Variants in TECRL observed in about 807,000 individuals in gnomAD.
The protein encoded by TECRL is trans-2,3-enoyl-CoA reductase like, also known as trans-2,3-enoyl-CoA reductase-like.
In TECRL, 63 loss-of-function variants were observed where a neutral mutation model predicts 52.8. That is an observed-to-expected ratio of 1.19 (90% CI 0.97 to 1.47). The LOEUF is 1.47. Ranked by LOEUF, TECRL falls within the 40% of genes most tolerant of loss-of-function variation. The pLI is 0.00. For missense variants in TECRL, 482 were observed against 429.6 expected (o/e 1.12, Z -1.08); for synonymous variants, 164 against 141.9 (o/e 1.16, Z -1.10).
intron 2 of TECRL, among the ~76,000 whole-genome samples, chr4:64,347,140 CA>C (rs1291442401): frequency 1.3e-5 from 2 of 152,124 alleles, no homozygotes; most frequent in Admixed American, 6.5e-5. Context: ...ATAGCCTGTT[CA>C]AAAAGTTGCC....
chr4:64,369,798 G>A (rs1039157086), intron 2 of TECRL, among the ~76,000 whole-genome samples: 2 of 151,672 alleles, frequency 1.3e-5, no homozygotes, highest in African/African-American at 4.8e-5. Context: ...TTAGGTCCGT[G>A]GCACATAATA....
chr4:64,357,167 T>C (rs968318847), intron 2 of TECRL, among the ~76,000 whole-genome samples: 2 of 152,156 alleles, frequency 1.3e-5, no homozygotes, highest in Admixed American at 6.5e-5. Context: ...GCTCTGTCAA[T>C]GTAAATGTAT....
chr4:64,338,876 G>A (rs572026717), intron 2 of TECRL, among the ~76,000 whole-genome samples: 6 of 152,120 alleles, frequency 3.9e-5, no homozygotes, highest in African/African-American at 7.2e-5. Context: ...ACAGTGGGGC[G>A]ATTCCTCAGG....
chr4:64,309,695 A>C, intron 6 of TECRL, 131 bp downstream of exon 6: 1 of 695,322 alleles, frequency 1.4e-6, no homozygotes, highest in Non-Finnish European at 2.6e-6. Context: ...TTAGGAAAAG[A>C]ATGTTTAAGT....
At chr4:64,361,665 A>G (rs1156438074) in intron 2 of TECRL, among the ~76,000 whole-genome samples, 1 of 152,092 alleles carries the variant, frequency 6.6e-6, no homozygotes, top group African/African-American at 2.4e-5. Flanking sequence ...AACTTATTCC[A>G]TAGCCAAACC....
chr4:64,390,235 GGAGT>G (rs1723457546), intron 1 of TECRL, among the ~76,000 whole-genome samples: 1 of 151,856 alleles, frequency 6.6e-6, no homozygotes, highest in Non-Finnish European at 1.5e-5. Context: ...CATGAATTTT[GGAGT>G]AAGTATTTTT....
At chr4:64,319,484 A>C (rs761208885) in intron 4 of TECRL, among the ~76,000 whole-genome samples, 81 of 151,962 alleles carry the variant, frequency 5.3e-4, no homozygotes, top group South Asian at 8.3e-4. Flanking sequence ...CAATTCTTTC[A>C]GTGAAAAGTT....
chr4:64,386,226 G>A (rs1449630839), intron 1 of TECRL, among the ~76,000 whole-genome samples: 3 of 151,944 alleles, frequency 2.0e-5, no homozygotes, highest in South Asian at 2.1e-4. Flanking sequence ...CCATTATAAA[G>A]CATATAATAT....
At chr4:64,289,621 T>G in intron 9 of TECRL, 89 bp downstream of exon 9, 1 of 1,048,428 alleles carries the variant, frequency 9.5e-7, no homozygotes, top group South Asian at 1.8e-5. Flanking sequence ...ATTGATATTT[T>G]GATTTTTAAA....
intron 3 of TECRL, among the ~76,000 whole-genome samples, chr4:64,327,880 T>A (rs151039268): frequency 0.019 from 2,908 of 152,004 alleles, 39 homozygotes; most frequent in Middle Eastern, 0.054. Flanking sequence ...TCCTATAGAT[T>A]TACTATTAAA....
At chr4:64,288,482 G>T (rs776351163) in intron 9 of TECRL, among the ~76,000 whole-genome samples, 7 of 152,122 alleles carry the variant, frequency 4.6e-5, no homozygotes, top group Non-Finnish European at 7.4e-5. Context: ...CTCATAAGCT[G>T]ATCGAAAATA....
intron 9 of TECRL, among the ~76,000 whole-genome samples, chr4:64,289,155 T>C: frequency 6.6e-6 from 1 of 152,196 alleles, no homozygotes. Context: ...TAAAGATGTG[T>C]ATGAGACTAG....
chr4:64,402,037 A>G (rs1724391599), intron 1 of TECRL, among the ~76,000 whole-genome samples: 1 of 152,096 alleles, frequency 6.6e-6, no homozygotes, highest in South Asian at 2.1e-4. Flanking sequence ...TTTTATATGT[A>G]CAAAACAAAC....
At chr4:64,280,855 A>G (rs1425553193) in intron 11 of TECRL, among the ~76,000 whole-genome samples, 186 bp downstream of exon 11, 6 of 152,164 alleles carry the variant, frequency 3.9e-5, no homozygotes, top group African/African-American at 1.4e-4. Context: ...AGCAACAATT[A>G]TACAGAGACA....
At chr4:64,343,691 C>T (rs1051739117) in intron 2 of TECRL, among the ~76,000 whole-genome samples, 1 of 151,842 alleles carries the variant, frequency 6.6e-6, no homozygotes, top group Non-Finnish European at 1.5e-5. Context: ...CTCATTCAAC[C>T]TTGTTATGGG....
chr4:64,309,033 G>A (rs546085053), intron 6 of TECRL, among the ~76,000 whole-genome samples: 6 of 152,104 alleles, frequency 3.9e-5, no homozygotes, highest in South Asian at 2.1e-4. Context: ...GAAATGGCTC[G>A]GATTTAGGAG....
intron 7 of TECRL, among the ~76,000 whole-genome samples, 168 bp from the exon 8 acceptor site, chr4:64,300,185 CTT>C (rs550094739): frequency 6.7e-6 from 1 of 149,638 alleles, no homozygotes; most frequent in Non-Finnish European, 1.5e-5. Flanking sequence ...AAAGTGTTGA[CTT>C]TTTTTTCACA....
intron 5 of TECRL, 100 bp from the exon 6 acceptor site, chr4:64,310,031 A>G (rs1724578825): frequency 6.6e-6 from 4 of 602,604 alleles, no homozygotes; most frequent in South Asian, 2.3e-5. Flanking sequence ...TATGCTAGCT[A>G]TTGGGAAACA....
intron 6 of TECRL, among the ~76,000 whole-genome samples, chr4:64,305,975 T>A (rs976276217): frequency 2.6e-5 from 4 of 152,188 alleles, no homozygotes; most frequent in African/African-American, 9.7e-5. Flanking sequence ...CCAGTGTCCA[T>A]GTTCCTTATT....
Sources: gnomAD v4.1 joint callset for allele counts (sites outside exome capture counted in the v4.1 genomes callset) on GRCh38, gnomAD v4.1.1 for gene constraint, MANE v1.5 for transcripts, NCBI Gene and HGNC (gene_info 2026-07-23, HGNC 2026-07-21) for gene names.